The following PMEPA1 variants were observed in gnomAD, a reference collection of about 807,000 sequenced individuals.
The protein encoded by PMEPA1 is protein TMEPAI.
PMEPA1 carries 11 observed loss-of-function variants against 23.0 expected under a neutral mutation model. That is an observed-to-expected ratio of 0.48 (90% confidence interval 0.30 to 0.79). The LOEUF (loss-of-function observed/expected upper bound fraction) is 0.79, where lower values mean the gene tolerates loss of function less well. PMEPA1 is among the 30% of genes least tolerant of loss of function. The pLI, the probability that PMEPA1 is intolerant of heterozygous loss-of-function variation, is 0.06. For missense variants in PMEPA1, 377 were observed against 390.9 expected (o/e 0.96, Z 0.30); for synonymous variants, 204 against 166.4 (o/e 1.23, Z -1.74).
chr20:57,709,436 G>T, intron 1 of PMEPA1, 38 bp downstream of exon 1: 3 of 1,079,130 alleles, frequency 2.8e-6, no homozygotes, highest in South Asian at 3.5e-5. Flanking sequence ...GTCCGAGCCC[G>T]ATGGAGTCTC....
rs768852854 is a variant in PMEPA1, at chr20:57,652,298, G to T, written c.619C>A (p.Pro207Thr). The T allele has an allele frequency of 1.2e-6, 2 of 1,610,416 alleles. No individual in the cohort carries two copies. Among genetic ancestry groups the T allele is most frequent in the East Asian group, 2.2e-5 (1 of 44,856 alleles). ...MDSARLGGPC[P>T]PSSNSGISAT... ...CTGATGCCCGAGTTACTGCTGGGGG[G>T]GCAGGGGCCGCCCAGCCTGGCACTA... The change falls in exon 4 of 4, where the codon CCC becomes ACC. Residue 207 changes from proline to threonine, a missense_variant. Around this residue, in one of 3 missense-constraint regions of PMEPA1, gnomAD observed 176 missense variants for 173.0 expected, o/e 1.02. Coordinates refer to ENST00000341744, the MANE Select transcript of PMEPA1 (RefSeq NM_020182.5). The surrounding 1 kb of genome is among the most constrained non-coding windows in gnomAD (Gnocchi z 6.1).
At chr20:57,653,135 G>C (rs761077268) in intron 2 of PMEPA1, 49 bp from the exon 3 acceptor site, 1 of 1,457,562 alleles carries the variant, frequency 6.9e-7, no homozygotes. Flanking sequence ...GGGCAGGAGG[G>C]ACAGCAAAGG....
Position 57,709,987 on chromosome 20 carries a change from C to G in PMEPA1, c.-405G>C. ...AGGAGATCGGGTTTCGCTCCGAGAC[C>G]GCGGTCGGAGGCAGGCAGACGGTCT... On this transcript the variant is annotated 5_prime_UTR_variant, in exon 1 of 4. Coordinates refer to ENST00000341744, the MANE Select transcript of PMEPA1 (RefSeq NM_020182.5). 3 of 991,672 alleles carry G rather than the reference C, an allele frequency of 3.0e-6. No individual in the cohort carries two copies. The highest frequency in any genetic ancestry group is 3.5e-5 in the African/African-American group (2 of 57,406). 61.4% of individuals were successfully genotyped at this position (991,672 alleles called of 1,614,324 possible).
chr20:57,698,377 T>C (rs1302309406), intron 1 of PMEPA1, among the ~76,000 whole-genome samples: 1 of 152,212 alleles, frequency 6.6e-6, no homozygotes, highest in Non-Finnish European at 1.5e-5. Flanking sequence ...CCCTATTGGC[T>C]TCTAAGCTCA....
At chr20:57,659,980 G>T (rs959673374) in intron 1 of PMEPA1, among the ~76,000 whole-genome samples, 2 of 152,196 alleles carry the variant, frequency 1.3e-5, no homozygotes, top group African/African-American at 4.8e-5. Context: ...CTGACCGGAA[G>T]GAGGTAACGG....
chr20:57,690,485 T>C, intron 1 of PMEPA1: 1 of 1,302,534 alleles, frequency 7.7e-7, no homozygotes, highest in Non-Finnish European at 1.0e-6. Context: ...TGTATATCAC[T>C]TTTTACAATC....
chr20:57,652,966 CCAGCCGCAGCGGGAG>C lies in PMEPA1; in HGVS notation c.318+52_318+66del, dbSNP rs752027818. ...TGAGCCTTTAGCAGCCCACACTGTT[CCAGCCGCAGCGGGAG>C]CAGCCCAGGGTGGGATGGGGGTGTT... On this transcript the variant is annotated intron_variant, in intron 3 of 3. Coordinates refer to ENST00000341744, the MANE Select transcript of PMEPA1 (RefSeq NM_020182.5). This position sits in a 1 kb window ranked among gnomAD's most constrained non-coding sequence, Gnocchi z 6.1. The C allele has an allele frequency of 4.6e-4, 619 of 1,358,804 alleles. No individual in the cohort carries two copies. The highest frequency in any genetic ancestry group is 5.8e-4 in the Non-Finnish European group (558 of 969,304). 84.2% of individuals were successfully genotyped at this position (1,358,804 alleles called of 1,614,324 possible).
intron 1 of PMEPA1, chr20:57,699,933 C>T (rs781021899): frequency 9.2e-6 from 4 of 435,392 alleles, no homozygotes; most frequent in Non-Finnish European, 1.9e-5. Flanking sequence ...TTCGACAGTC[C>T]GCGTTTTACA....
rs1166325398 is a variant in PMEPA1, at chr20:57,650,630, G to C, written c.*1423C>G. The C allele has an allele frequency of 6.6e-6, 1 of 152,322 alleles. No individual in the cohort carries two copies. Among genetic ancestry groups the C allele is most frequent in the Non-Finnish European group, 1.5e-5 (1 of 68,092 alleles). 9.4% of individuals were successfully genotyped at this position (152,322 alleles called of 1,614,324 possible). ...GGGAAGCGTTGTTTCCGCGGGGAAA[G>C]GAGATGGAAAGGGGAAGAGAAGGTG... On this transcript the variant is annotated 3_prime_UTR_variant, in exon 4 of 4. Coordinates refer to ENST00000341744, the MANE Select transcript of PMEPA1 (RefSeq NM_020182.5).
chr20:57,652,683 C>T lies in PMEPA1; in HGVS notation c.319-85G>A. 8.5e-7 allele frequency: 1 copy of T among 1,180,408 alleles called. No homozygotes were observed. Among genetic ancestry groups the T allele is most frequent in the Non-Finnish European group, 1.2e-6 (1 of 865,960 alleles). 73.1% of individuals were successfully genotyped at this position (1,180,408 alleles called of 1,614,324 possible). The stretch of plus-strand genomic sequence containing the variant: ...CGATCCTGAGACTGGAGTTCTGCTG[C>T]ATGGGACTTGGCTCTCTGGGGAAAG... On this transcript the variant is annotated intron_variant, in intron 3 of 3. Coordinates refer to ENST00000341744, the MANE Select transcript of PMEPA1 (RefSeq NM_020182.5). The surrounding 1 kb of genome is among the most constrained non-coding windows in gnomAD (Gnocchi z 6.1).
In PMEPA1 at chr20:57,651,763, T is replaced by C; in HGVS notation, c.*290A>G. On this transcript the variant is annotated 3_prime_UTR_variant, in exon 4 of 4. Coordinates refer to ENST00000341744, the MANE Select transcript of PMEPA1 (RefSeq NM_020182.5). Reference sequence around the variant, plus strand: ...TAAGCATTCACGCACGCAGCTCAACTAGAAACAAGAAAGACTACTGTAGAA... The same window carrying C: ...TAAGCATTCACGCACGCAGCTCAACCAGAAACAAGAAAGACTACTGTAGAA... 3.7e-6 allele frequency: 1 copy of C among 267,274 alleles called. No homozygotes were observed. Among genetic ancestry groups the C allele is most frequent in the Non-Finnish European group, 7.0e-6 (1 of 143,738 alleles). The allele number at this position is 267,274 out of a possible 1,614,324, so 16.6% of individuals were successfully genotyped here.
At chr20:57,660,791 C>T (rs980580856) in intron 1 of PMEPA1, among the ~76,000 whole-genome samples, 3 of 151,768 alleles carry the variant, frequency 2.0e-5, no homozygotes, top group Non-Finnish European at 4.4e-5. Context: ...CACTCCTACA[C>T]ACACGTCAAC....
At chr20:57,685,229 G>A (rs2071785177) in intron 1 of PMEPA1, among the ~76,000 whole-genome samples, 1 of 152,204 alleles carries the variant, frequency 6.6e-6, no homozygotes, top group African/African-American at 2.4e-5. Flanking sequence ...CCACCCGGCT[G>A]CAACCTCCAG....
At chr20:57,691,534 CCT>C (rs2071882030) in intron 1 of PMEPA1, among the ~76,000 whole-genome samples, 1 of 152,198 alleles carries the variant, frequency 6.6e-6, no homozygotes, top group South Asian at 2.1e-4. Flanking sequence ...GCTCCTCTCC[CCT>C]GAGCTGATGC....
intron 1 of PMEPA1, among the ~76,000 whole-genome samples, chr20:57,692,147 G>A (rs188321587): frequency 6.6e-6 from 1 of 152,344 alleles, no homozygotes; most frequent in African/African-American, 2.4e-5. Context: ...ACTGAGCTGA[G>A]CCCTTGCCAC....
rs2072144004 is a variant in PMEPA1, at chr20:57,709,763, G to A, written c.-181C>T. 2 of 980,640 alleles carry A rather than the reference G, an allele frequency of 2.0e-6. No individual in the cohort carries two copies. The highest frequency in any genetic ancestry group is 6.3e-5 in the Admixed American group (1 of 15,916). 60.7% of individuals were successfully genotyped at this position (980,640 alleles called of 1,614,324 possible). On this transcript the variant is annotated 5_prime_UTR_variant, in exon 1 of 4. Transcript: ENST00000341744. ...GGGCGCCGCGGGGCTCAGTGCGCGG[G>A]ACCGCGCTCCGCTGCGCCCCCCCGG...
chr20:57,676,472 C>T (rs1047011340), intron 1 of PMEPA1, among the ~76,000 whole-genome samples: 8 of 152,172 alleles, frequency 5.3e-5, no homozygotes, highest in African/African-American at 1.4e-4. Context: ...GGATGTCAGG[C>T]GCACGTTTAT....
rs1284296326 is a variant in PMEPA1, at chr20:57,650,232, A to G, written c.*1821T>C. On this transcript the variant is annotated 3_prime_UTR_variant, in exon 4 of 4. Coordinates refer to ENST00000341744, the MANE Select transcript of PMEPA1 (RefSeq NM_020182.5). ...GGAAGTTATAAAAAAGTTGCTCACA[A>G]ACAATAGTTATTGCCTTTTATATCT... is the stretch of plus-strand genomic sequence containing the variant. 6.6e-6 allele frequency: 1 copy of G among 152,212 alleles called. No homozygotes were observed. The highest frequency in any genetic ancestry group is 6.5e-5 in the Admixed American group (1 of 15,290). 9.4% of individuals were successfully genotyped at this position (152,212 alleles called of 1,614,324 possible). A position where few individuals can be genotyped will look rare whatever the true frequency, so the allele number is the denominator to read the frequency against.
At position 57,651,984 on chromosome 20, in the gene PMEPA1, CTCT is replaced by C. The variant is rs2071237798; in HGVS notation, c.*66_*68del. The C allele has an allele frequency of 7.4e-7, 1 of 1,353,690 alleles. No homozygotes were observed. The highest frequency in any genetic ancestry group is 9.8e-7 in the Non-Finnish European group (1 of 1,019,122). 83.9% of individuals were successfully genotyped at this position (1,353,690 alleles called of 1,614,324 possible). A position where few individuals can be genotyped will look rare whatever the true frequency, so the allele number is the denominator to read the frequency against. On this transcript the variant is annotated 3_prime_UTR_variant, in exon 4 of 4. Transcript: ENST00000341744. ...TGCGCCCCCCGCCTTCCTCTCACTC[CTCT>C]TCTAAGAAGCGCGGAGTGTTCTGCC...
Sources: allele counts gnomAD v4.1 joint callset (sites outside exome capture counted in the v4.1 genomes callset), GRCh38; gene constraint gnomAD v4.1.1; regional missense constraint gnomAD v4.1.1; non-coding constraint Gnocchi (gnomAD v3.1); transcripts MANE v1.5; gene names NCBI Gene and HGNC (gene_info 2026-07-23, HGNC 2026-07-21).